AFAP1L2: variants seen among roughly 807,000 people sequenced by gnomAD.
The protein encoded by AFAP1L2 is actin filament associated protein 1 like 2.
Under a neutral mutation model 99.3 loss-of-function variants are expected in AFAP1L2, and 46 were observed. The ratio of observed to expected loss-of-function variants is 0.46; its 90% CI spans 0.37 to 0.59. AFAP1L2 has a LOEUF of 0.59. Among genes scored for constraint, AFAP1L2 ranks in the 20% least tolerant of loss-of-function variants. AFAP1L2 has a pLI of 0.00. For synonymous variants in AFAP1L2, 397 were observed against 419.1 expected, an observed-to-expected ratio of 0.95 and a Z score of 0.64; for missense variants, 959 against 1,034.9, an observed-to-expected ratio of 0.93 and a Z score of 1.01.
intron 15 of AFAP1L2, 144 bp downstream of exon 15, chr10:114,300,050 G>C: frequency 8.4e-7 from 1 of 1,189,720 alleles, no homozygotes; most frequent in Non-Finnish European, 1.2e-6. Flanking sequence ...AAGGCCTATC[G>C]TGGGACTTGA....
At chr10:114,354,177 C>T (rs1464241619) in intron 1 of AFAP1L2, among the ~76,000 whole-genome samples, 1 of 152,076 alleles carries the variant, frequency 6.6e-6, no homozygotes, top group Admixed American at 6.6e-5. Context: ...TTATGAGGCA[C>T]CACAAGAAAA....
chr10:114,361,513 C>T (rs892674446), intron 1 of AFAP1L2, among the ~76,000 whole-genome samples: 3 of 152,236 alleles, frequency 2.0e-5, no homozygotes, highest in Admixed American at 6.5e-5. Flanking sequence ...AACCGAAAGC[C>T]GGGGGACAGT....
chr10:114,331,271 ATTAT>A (rs942704529), intron 4 of AFAP1L2, among the ~76,000 whole-genome samples: 1 of 152,158 alleles, frequency 6.6e-6, no homozygotes, highest in African/African-American at 2.4e-5. Flanking sequence ...GGGGAATTAA[ATTAT>A]TTATTTATTC....
At chr10:114,352,479 TA>T (rs766929781) in intron 1 of AFAP1L2, among the ~76,000 whole-genome samples, 733 of 71,396 alleles carry the variant, frequency 0.01, 20 homozygotes, top group African/African-American at 0.039. Flanking sequence ...GTCTCCAAAT[TA>T]AAAAAAAAAA....
At position 114,306,177 on chromosome 10, in the gene AFAP1L2, G is replaced by T. The variant is rs529649250; in HGVS notation, c.1073-1247C>A. On this transcript the variant is annotated intron_variant, in intron 10 of 18. Transcript: ENST00000304129. The stretch of plus-strand genomic sequence containing the variant: ...TGCAGGACGGGATGGGGCTGCAGGA[G>T]GGAGCGGGGCTGCAGGAGGGGATGG... Among the ~76,000 whole-genome samples the T allele has an allele frequency of 4.7e-4, 65 of 138,740 alleles. 3 individuals are homozygous for T. The highest frequency in any genetic ancestry group is 1.6e-3 in the African/African-American group (59 of 36,662). The allele number at this position is 138,740 out of a possible 152,430, so 91.0% of individuals were successfully genotyped here. A position where few individuals can be genotyped will look rare whatever the true frequency, so the allele number is the denominator to read the frequency against.
At chr10:114,401,401 C>T (rs540960337) in intron 1 of AFAP1L2, among the ~76,000 whole-genome samples, 55 of 152,194 alleles carry the variant, frequency 3.6e-4, no homozygotes, top group Non-Finnish European at 5.7e-4. Context: ...TCATGCACAG[C>T]GATAAAAGGA....
intron 1 of AFAP1L2, among the ~76,000 whole-genome samples, chr10:114,392,342 C>G (rs2138021093): frequency 6.6e-6 from 1 of 152,268 alleles, no homozygotes; most frequent in African/African-American, 2.4e-5. Context: ...TCAGCCATGA[C>G]AGTGCCACTG....
chr10:114,290,398 C>T (rs1202303777), downstream of AFAP1L2: 1 of 1,548,306 alleles, frequency 6.5e-7, no homozygotes, highest in Non-Finnish European at 8.7e-7. Context: ...ATGTGTGAGC[C>T]AGGGATGGTA....
intron 4 of AFAP1L2, among the ~76,000 whole-genome samples, chr10:114,327,147 T>TTTTATA (rs1364666260): frequency 5.5e-5 from 3 of 54,538 alleles, no homozygotes; most frequent in Non-Finnish European, 1.5e-4. Context: ...TTATATATAT[T>TTTTATA]TATATATATA....
chr10:114,308,005 C>A (rs1372679672), intron 9 of AFAP1L2, 96 bp from the exon 10 acceptor site: 1 of 990,632 alleles, frequency 1.0e-6, no homozygotes, highest in Non-Finnish European at 1.6e-6. Flanking sequence ...TCCACTCCAT[C>A]CACCCATCCC....
chr10:114,318,416 C>T (rs1172734819), intron 5 of AFAP1L2, among the ~76,000 whole-genome samples: 1 of 151,966 alleles, frequency 6.6e-6, no homozygotes, highest in Non-Finnish European at 1.5e-5. Context: ...AAATCATCAA[C>T]AGGACTAGGT....
At chr10:114,396,597 C>T (rs55691983) in intron 1 of AFAP1L2, among the ~76,000 whole-genome samples, 3,301 of 152,258 alleles carry the variant, frequency 0.022, 119 homozygotes, top group African/African-American at 0.076. Context: ...AACAAAAAGT[C>T]AACCAGGAAA....
At chr10:114,340,005 C>T (rs1345836092) in intron 2 of AFAP1L2, among the ~76,000 whole-genome samples, 8 of 106,352 alleles carry the variant, frequency 7.5e-5, no homozygotes, top group African/African-American at 1.6e-4. Flanking sequence ...AGCAAGACCC[C>T]GTCTCAAAAA....
At chr10:114,331,641 A>G (rs1192737190) in intron 4 of AFAP1L2, among the ~76,000 whole-genome samples, 162 bp downstream of exon 4, 2 of 152,174 alleles carry the variant, frequency 1.3e-5, no homozygotes, top group Non-Finnish European at 2.9e-5. Context: ...ACCTGTAGGC[A>G]GGTTTACTTT....
intron 1 of AFAP1L2, among the ~76,000 whole-genome samples, chr10:114,365,723 C>CT (rs1243956682): frequency 0.011 from 1,237 of 108,334 alleles, 16 homozygotes; most frequent in African/African-American, 0.027. Flanking sequence ...CTCTCTCTCT[C>CT]TTTTTTTTTT....
At chr10:114,352,655 C>T (rs1436103072) in intron 1 of AFAP1L2, among the ~76,000 whole-genome samples, 1 of 152,134 alleles carries the variant, frequency 6.6e-6, no homozygotes, top group Non-Finnish European at 1.5e-5. Flanking sequence ...TGAAGGTTTT[C>T]AAAGCTTTCT....
At chr10:114,385,125 G>A (rs1373590754) in intron 1 of AFAP1L2, among the ~76,000 whole-genome samples, 2 of 152,250 alleles carry the variant, frequency 1.3e-5, no homozygotes, top group South Asian at 2.1e-4. Flanking sequence ...TGATCGGGAA[G>A]GTGAAGGGAT....
chr10:114,359,198 T>A (rs1267118976), intron 1 of AFAP1L2, among the ~76,000 whole-genome samples: 5 of 152,212 alleles, frequency 3.3e-5, no homozygotes, highest in Non-Finnish European at 5.9e-5. Flanking sequence ...ACTTGACAGG[T>A]TTATGAGCAA....
At chr10:114,381,530 G>C (rs2055618044) in intron 1 of AFAP1L2, among the ~76,000 whole-genome samples, 1 of 152,090 alleles carries the variant, frequency 6.6e-6, no homozygotes, top group Non-Finnish European at 1.5e-5. Flanking sequence ...ACTTTAAATG[G>C]GCGAATTGTA....
Sources: allele counts gnomAD v4.1 joint callset (sites outside exome capture counted in the v4.1 genomes callset), GRCh38; gene constraint gnomAD v4.1.1; transcripts MANE v1.5; gene names NCBI Gene and HGNC (gene_info 2026-07-23, HGNC 2026-07-21).